The following UVRAG variants were observed in gnomAD, a reference collection of about 807,000 sequenced individuals.
UVRAG encodes the protein UV radiation resistance associated.
In UVRAG, 19 loss-of-function variants were observed where a neutral mutation model predicts 78.0. That is an observed-to-expected ratio of 0.24 (90% CI 0.17 to 0.36). The LOEUF (loss-of-function observed/expected upper bound fraction) is 0.36. Among genes scored for constraint, UVRAG ranks in the 10% least tolerant of loss-of-function variants. The pLI is 1.00. For missense variants in UVRAG, 740 were observed against 853.8 expected (o/e 0.87, Z 1.66); for synonymous variants, 323 against 324.6 (o/e 1.00, Z 0.05).
At chr11:76,010,775 C>T (rs1490283477) in intron 11 of UVRAG, among the ~76,000 whole-genome samples, 1 of 152,020 alleles carries the variant, frequency 6.6e-6, no homozygotes, top group Non-Finnish European at 1.5e-5. Context: ...GCAGGAAGGA[C>T]AGTAAAGACC....
chr11:75,993,376 T>C (rs2135304752), intron 8 of UVRAG, among the ~76,000 whole-genome samples: 1 of 152,304 alleles, frequency 6.6e-6, no homozygotes, highest in Admixed American at 6.5e-5. Flanking sequence ...TCTCAACTTG[T>C]GGTCTATGGC....
intron 14 of UVRAG, among the ~76,000 whole-genome samples, chr11:76,138,219 G>A (rs1385441629): frequency 2.0e-5 from 3 of 152,210 alleles, no homozygotes; most frequent in Non-Finnish European, 4.4e-5. Flanking sequence ...TGAATGTCGT[G>A]TTCCCTTGTG....
chr11:75,819,440 C>T (rs191057960), intron 1 of UVRAG, among the ~76,000 whole-genome samples: 98 of 152,158 alleles, frequency 6.4e-4, no homozygotes, highest in Admixed American at 3.9e-3. Flanking sequence ...CTGCCCCTCC[C>T]GGGTTCAAGC....
At chr11:76,025,286 A>G (rs768067071) in intron 12 of UVRAG, among the ~76,000 whole-genome samples, 2 of 152,104 alleles carry the variant, frequency 1.3e-5, no homozygotes, top group Non-Finnish European at 2.9e-5. Context: ...TTTTAAAGTG[A>G]TTTTTGGAAT....
At chr11:76,013,292 C>G (rs765738622) in intron 11 of UVRAG, among the ~76,000 whole-genome samples, 5 of 151,998 alleles carry the variant, frequency 3.3e-5, no homozygotes, top group Non-Finnish European at 5.9e-5. Flanking sequence ...TAAAAATAAA[C>G]CAGGAATATT....
intron 6 of UVRAG, among the ~76,000 whole-genome samples, chr11:75,951,724 C>G (rs529829041): frequency 1.3e-5 from 2 of 152,292 alleles, no homozygotes; most frequent in East Asian, 3.9e-4. Context: ...TTCTGTGTAA[C>G]TACTGCTGCC....
At chr11:75,988,008 G>A (rs536443824) in intron 8 of UVRAG, among the ~76,000 whole-genome samples, 14 of 152,274 alleles carry the variant, frequency 9.2e-5, no homozygotes, top group Non-Finnish European at 1.3e-4. Context: ...AAAGTGCTGC[G>A]ATTACAGGCA....
At chr11:76,018,656 C>T (rs1450899465) in intron 12 of UVRAG, among the ~76,000 whole-genome samples, 1 of 152,208 alleles carries the variant, frequency 6.6e-6, no homozygotes, top group South Asian at 2.1e-4. Flanking sequence ...ATCCACCCAC[C>T]TTGGCCTTCC....
At chr11:75,928,649 C>T (rs916238744) in intron 6 of UVRAG, among the ~76,000 whole-genome samples, 6 of 151,004 alleles carry the variant, frequency 4.0e-5, no homozygotes, top group Non-Finnish European at 5.9e-5. Context: ...GGTTAAGAAT[C>T]GAAAGCTGGG....
chr11:76,038,963 T>G (rs1950592120), intron 12 of UVRAG, among the ~76,000 whole-genome samples: 1 of 152,200 alleles, frequency 6.6e-6, no homozygotes, highest in Non-Finnish European at 1.5e-5. Flanking sequence ...ACACCTTGAT[T>G]TTAGATTTCT....
intron 4 of UVRAG, among the ~76,000 whole-genome samples, chr11:75,885,885 T>A (rs561164896): frequency 1.3e-5 from 2 of 152,296 alleles, no homozygotes; most frequent in South Asian, 4.1e-4. Flanking sequence ...TTAGATTTTT[T>A]AATCAATGTT....
intron 4 of UVRAG, 150 bp downstream of exon 4, chr11:75,880,190 A>G (rs1319713728): frequency 1.2e-6 from 1 of 835,136 alleles, no homozygotes; most frequent in Non-Finnish European, 1.8e-6. Context: ...CTTGATGATC[A>G]TTTACATATG....
intron 6 of UVRAG, among the ~76,000 whole-genome samples, chr11:75,953,032 C>T (rs906926037): frequency 1.1e-4 from 16 of 152,100 alleles, no homozygotes; most frequent in African/African-American, 3.9e-4. Context: ...AATTTATTGG[C>T]ATACAGTTGC....
rs556892649 is a variant in UVRAG, at chr11:76,029,957, C to T, written c.1226+12977C>T. On this transcript the variant is annotated intron_variant, in intron 12 of 14. Coordinates refer to ENST00000356136, the MANE Select transcript of UVRAG (RefSeq NM_003369.4). ...CTATTGCCAAGTAGGCAAGACCCTC[C>T]ACCAGCAAAAACATTATGACTCTCT... is the stretch of plus-strand genomic sequence containing the variant. 2.6e-5 allele frequency among the ~76,000 whole-genome samples: 4 copies of T among 152,326 alleles called. No individual in the cohort carries two copies. In the South Asian group the frequency reaches 8.3e-4, roughly 32 times the overall value.
At chr11:75,873,076 T>C (rs1399801103) in intron 3 of UVRAG, among the ~76,000 whole-genome samples, 2 of 152,164 alleles carry the variant, frequency 1.3e-5, no homozygotes, top group African/African-American at 4.8e-5. Context: ...TATGGGAGCA[T>C]AGAGGAGCGG....
chr11:75,872,424 T>C (rs2134831313), intron 3 of UVRAG, among the ~76,000 whole-genome samples: 1 of 148,998 alleles, frequency 6.7e-6, no homozygotes, highest in East Asian at 2.0e-4. Context: ...AGGCTCACTC[T>C]GTCGCCCAGG....
chr11:75,870,080 T>TA (rs575213069), intron 3 of UVRAG, among the ~76,000 whole-genome samples: 1 of 152,080 alleles, frequency 6.6e-6, no homozygotes, highest in Non-Finnish European at 1.5e-5. Context: ...TAAATATAAA[T>TA]AAAAAAATCA....
intron 2 of UVRAG, among the ~76,000 whole-genome samples, chr11:75,857,723 C>T (rs139669844): frequency 7.3e-5 from 11 of 151,618 alleles, no homozygotes; most frequent in Non-Finnish European, 1.5e-4. Flanking sequence ...CTCTTGACCT[C>T]GTGATCCACC....
At chr11:75,883,853 T>C (rs1947011873) in intron 4 of UVRAG, among the ~76,000 whole-genome samples, 1 of 152,174 alleles carries the variant, frequency 6.6e-6, no homozygotes, top group Admixed American at 6.5e-5. Flanking sequence ...TGCAATTCAA[T>C]GAATTTGAAA....
Sources: allele counts gnomAD v4.1 joint callset (sites outside exome capture counted in the v4.1 genomes callset), GRCh38; gene constraint gnomAD v4.1.1; transcripts MANE v1.5; gene names NCBI Gene and HGNC (gene_info 2026-07-23, HGNC 2026-07-21).